Variants in SFI1 observed in about 807,000 individuals in gnomAD.
SFI1 encodes protein SFI1 homolog.
Under a neutral mutation model 207.5 loss-of-function variants are expected in SFI1, and 195 were observed. That is an observed-to-expected ratio of 0.94 (90% CI 0.84 to 1.06). The LOEUF is 1.06. SFI1 is among the 50% of genes least tolerant of loss of function. SFI1 has a pLI of 0.00. For missense variants in SFI1, 1,634 were observed against 1,588.0 expected (o/e 1.03, Z -0.49); for synonymous variants, 630 against 598.9 (o/e 1.05, Z -0.76).
intron 1 of SFI1, among the ~76,000 whole-genome samples, chr22:31,499,516 T>G (rs1261439357): frequency 6.6e-6 from 1 of 152,174 alleles, no homozygotes; most frequent in Non-Finnish European, 1.5e-5. Context: ...GAAGATGCTG[T>G]GAACATTGTT....
At chr22:31,610,525 G>A (rs1569458538) in intron 22 of SFI1, among the ~76,000 whole-genome samples, 1 of 152,186 alleles carries the variant, frequency 6.6e-6, no homozygotes, top group African/African-American at 2.4e-5. Context: ...ACCCTGTTCT[G>A]TTGTCTCAAA....
intron 15 of SFI1, among the ~76,000 whole-genome samples, chr22:31,594,855 A>AG (rs1491374968): frequency 3.3e-4 from 4 of 12,262 alleles, no homozygotes; most frequent in African/African-American, 6.2e-4. Context: ...ACTCTGTCTC[A>AG]AAAAAAAAAA....
intron 3 of SFI1, among the ~76,000 whole-genome samples, chr22:31,530,263 G>A (rs1043413356): frequency 1.4e-5 from 2 of 147,800 alleles, no homozygotes; most frequent in Non-Finnish European, 3.0e-5. Context: ...GGCCGAGGCG[G>A]GTGGATCATG....
intron 15 of SFI1, among the ~76,000 whole-genome samples, chr22:31,598,739 T>TTTTTTTTTTTTTTTG (rs2067590115): frequency 1.5e-5 from 2 of 129,924 alleles, no homozygotes; most frequent in East Asian, 2.3e-4. Flanking sequence ...TTTTTTTTTT[T>TTTTTTTTTTTTTTTG]GATGAGCAGA....
chr22:31,553,999 G>T (rs892674775), intron 6 of SFI1, among the ~76,000 whole-genome samples: 3 of 150,550 alleles, frequency 2.0e-5, no homozygotes, highest in African/African-American at 7.3e-5. Flanking sequence ...ACCATACCTG[G>T]CTAAGTTTTT....
rs16989698 is a variant in SFI1, at chr22:31,528,812, G to T, written c.215G>T (p.Arg72Leu). The stretch of plus-strand genomic sequence containing the variant: ...AGTACCAGTCATCTAGTGCAGTATC[G>T]TGGCACACATACTTGTACCCGACAG... ...LPSTSHLVQYRGTHTCTRQGR... is the reference protein window; with the variant it reads ...LPSTSHLVQYLGTHTCTRQGR... Residue 72 changes from arginine to leucine, a missense_variant, in exon 3 of 33, where the codon CGT (arginine) becomes CTT (leucine). Transcript: ENST00000400288. The T allele has an allele frequency of 1.9e-6, 3 of 1,614,024 alleles. No individual in the cohort carries two copies. The South Asian group carries it at 3.3e-5, about 18-fold the overall frequency.
chr22:31,560,505 G>T (rs571565365), intron 7 of SFI1, among the ~76,000 whole-genome samples: 1 of 146,946 alleles, frequency 6.8e-6, no homozygotes, highest in African/African-American at 2.5e-5. Flanking sequence ...GGGTTCAAGA[G>T]ATTCTCCTGC....
At chr22:31,517,690 A>G (rs556652862) in intron 2 of SFI1, among the ~76,000 whole-genome samples, 1 of 152,148 alleles carries the variant, frequency 6.6e-6, no homozygotes, top group South Asian at 2.1e-4. Flanking sequence ...TAATTGTCCT[A>G]GCACAGTTTA....
chr22:31,594,156 C>G (rs946280453), intron 15 of SFI1, among the ~76,000 whole-genome samples: 3 of 152,152 alleles, frequency 2.0e-5, no homozygotes, highest in Non-Finnish European at 4.4e-5. Context: ...CCTTGCCTCA[C>G]CTTGGCAGAC....
At chr22:31,610,943 C>CG (rs1267980692) in intron 22 of SFI1, among the ~76,000 whole-genome samples, 200 bp from the exon 23 acceptor site, 2 of 152,166 alleles carry the variant, frequency 1.3e-5, no homozygotes, top group Admixed American at 6.5e-5. Flanking sequence ...TTCCAGTCCC[C>CG]GGGGGGTTCA....
intron 1 of SFI1, among the ~76,000 whole-genome samples, chr22:31,506,501 A>T (rs1340410742): frequency 6.6e-6 from 1 of 152,188 alleles, no homozygotes; most frequent in African/African-American, 2.4e-5. Flanking sequence ...AAGCATCTAG[A>T]CATGAAGAAA....
chr22:31,570,348 C>T (rs545155284), intron 8 of SFI1, among the ~76,000 whole-genome samples: 18 of 152,206 alleles, frequency 1.2e-4, no homozygotes, highest in South Asian at 8.3e-4. Context: ...CAAGTTTTGG[C>T]CTAAGCAGTT....
chr22:31,589,597 T>C lies in SFI1; in HGVS notation c.1544+20T>C. On this transcript the variant is annotated intron_variant, in intron 15 of 32. Coordinates refer to ENST00000400288, the MANE Select transcript of SFI1 (RefSeq NM_001007467.3). ...CCACAGGTATGTTGCGCAGCTCCTG[T>C]CTGCACTGGGGCAGGTGTTTCAAAT... 6.2e-7 allele frequency: 1 copy of C among 1,603,486 alleles called. No individual in the cohort carries two copies. Among genetic ancestry groups the C allele is most frequent in the Non-Finnish European group, 8.5e-7 (1 of 1,176,306 alleles).
At chr22:31,522,586 C>T (rs766673448) in intron 2 of SFI1, among the ~76,000 whole-genome samples, 6 of 152,052 alleles carry the variant, frequency 3.9e-5, no homozygotes, top group Admixed American at 6.6e-5. Flanking sequence ...TGGAATCATA[C>T]GACATTTTTC....
chr22:31,597,171 G>A (rs944239993), intron 15 of SFI1, among the ~76,000 whole-genome samples: 3 of 152,260 alleles, frequency 2.0e-5, no homozygotes, highest in Admixed American at 1.3e-4. Flanking sequence ...TTTGTATGCT[G>A]TGAGAACCAA....
At chr22:31,530,716 T>C (rs969685345) in intron 3 of SFI1, 25 of 434,034 alleles carry the variant, frequency 5.8e-5, no homozygotes, top group African/African-American at 3.3e-4. Flanking sequence ...TCTGTTTACA[T>C]TGGAGAAGGT....
chr22:31,613,829 T>C lies in SFI1; in HGVS notation c.2970T>C (p.Ala990=). The C allele has an allele frequency of 6.2e-7, 1 of 1,609,036 alleles. No homozygotes were observed. Among genetic ancestry groups the C allele is most frequent in the South Asian group, 1.1e-5 (1 of 90,588 alleles). ...SRPLGALGRL[A]AEEPHALELN... ...CTCTGGGAGCTCTGGGCCGCCTGGC[T>C]GCTGAGGAGCCCCACGCCCTGGAGC... is the stretch of plus-strand genomic sequence containing the variant. Residue 990 remains alanine, a synonymous_variant, in exon 27 of 33, where the codon GCT becomes GCC. Coordinates refer to ENST00000400288, the MANE Select transcript of SFI1 (RefSeq NM_001007467.3).
intron 10 of SFI1, among the ~76,000 whole-genome samples, chr22:31,577,307 A>G (rs532677946): frequency 6.6e-6 from 1 of 152,278 alleles, no homozygotes; most frequent in East Asian, 1.9e-4. Context: ...GAAGGTTGGA[A>G]AAGGCATTTC....
intron 2 of SFI1, among the ~76,000 whole-genome samples, chr22:31,516,990 C>G (rs2056614830): frequency 6.6e-6 from 1 of 151,344 alleles, no homozygotes; most frequent in African/African-American, 2.4e-5. Context: ...TAAAATCAGC[C>G]AGATGTGGTG....
Sources: gnomAD v4.1 joint callset for allele counts (sites outside exome capture counted in the v4.1 genomes callset) on GRCh38, gnomAD v4.1.1 for gene constraint, MANE v1.5 for transcripts, NCBI Gene and HGNC (gene_info 2026-07-23, HGNC 2026-07-21) for gene names.